The following WSCD2 variants were observed in gnomAD, a reference collection of about 807,000 sequenced individuals.
WSCD2 encodes the protein WSC domain sialate O sulfotransferase 2.
WSCD2 carries 28 observed loss-of-function variants against 55.7 expected under a neutral mutation model. The ratio of observed to expected loss-of-function variants is 0.50; its 90% CI spans 0.37 to 0.69. WSCD2 has a LOEUF of 0.69. Ranked by LOEUF, WSCD2 falls within the 30% of genes least tolerant of loss-of-function variation. The probability of loss-of-function intolerance (pLI) is 0.00; values close to 1 mark genes in which losing one functional copy is unlikely to be tolerated. For missense variants in WSCD2, 616 were observed against 762.1 expected, an observed-to-expected ratio of 0.81 and a Z score of 2.26; for synonymous variants, 301 against 301.9, an observed-to-expected ratio of 1.00 and a Z score of 0.03.
rs1885941763 is a variant in WSCD2, at chr12:108,210,123, G to T, written c.500G>T (p.Gly167Val). 6.2e-7 allele frequency: 1 copy of T among 1,614,092 alleles called. No individual in the cohort carries two copies. The change falls in exon 4 of 9, where the codon GGT becomes GTT. Residue 167 changes from glycine to valine, a missense_variant and splice_region_variant. By Grantham distance (109) the Gly-to-Val change is moderately radical (BLOSUM62 -3). Transcript: ENST00000547525. The surrounding 1 kb of genome is among the most constrained non-coding windows in gnomAD (Gnocchi z 4.3). Reference protein sequence around the residue: ...FRCQDNCAERGYLYGGLEFGA... With the variant: ...FRCQDNCAERVYLYGGLEFGA... ...TGCTTGACAGCAGCCTCCCCCAGGGGTTACCTGTATGGCGGGCTGGAGTTC... is the reference window on the plus strand; with the variant it reads ...TGCTTGACAGCAGCCTCCCCCAGGGTTTACCTGTATGGCGGGCTGGAGTTC...
intron 1 of WSCD2, among the ~76,000 whole-genome samples, chr12:108,136,428 T>C (rs1049499732): frequency 6.7e-6 from 1 of 150,282 alleles, no homozygotes; most frequent in Admixed American, 6.6e-5. Context: ...CTAATTGGAG[T>C]AGCACTAAAG....
intron 8 of WSCD2, among the ~76,000 whole-genome samples, chr12:108,247,288 A>G (rs1277203222): frequency 1.3e-5 from 2 of 150,584 alleles, no homozygotes; most frequent in Non-Finnish European, 3.0e-5. Context: ...ATATTAATAT[A>G]TTTATTAATA....
intron 1 of WSCD2, among the ~76,000 whole-genome samples, chr12:108,141,455 G>T (rs1286337580): frequency 6.6e-6 from 1 of 152,112 alleles, no homozygotes; most frequent in Non-Finnish European, 1.5e-5. Context: ...GTCTAAAATG[G>T]GTCAGCAGGG....
At chr12:108,149,298 A>G (rs1448836784) in intron 1 of WSCD2, among the ~76,000 whole-genome samples, 1 of 152,088 alleles carries the variant, frequency 6.6e-6, no homozygotes, top group Non-Finnish European at 1.5e-5. Flanking sequence ...ATTTCTTTTC[A>G]CCCAAAGACA....
intron 8 of WSCD2, among the ~76,000 whole-genome samples, chr12:108,243,691 C>T (rs548483154): frequency 1.3e-4 from 20 of 152,306 alleles, no homozygotes; most frequent in African/African-American, 4.6e-4. Context: ...CAGGCCCTAT[C>T]CCAGGCTTCC....
chr12:108,172,993 C>T (rs532925408), intron 1 of WSCD2, among the ~76,000 whole-genome samples: 5 of 152,230 alleles, frequency 3.3e-5, no homozygotes, highest in Admixed American at 2.6e-4. Context: ...CCCCACTCCC[C>T]GCCCCTTCCC....
chr12:108,220,563 T>G (rs1593522), intron 4 of WSCD2, among the ~76,000 whole-genome samples: 2,829 of 152,270 alleles, frequency 0.019, 97 homozygotes, highest in African/African-American at 0.065. Flanking sequence ...AAGGTCCCAC[T>G]CTGTCAACCA....
intron 7 of WSCD2, among the ~76,000 whole-genome samples, chr12:108,235,090 G>C (rs1242111308): frequency 6.6e-6 from 1 of 152,162 alleles, no homozygotes; most frequent in Non-Finnish European, 1.5e-5. Flanking sequence ...TTTTCAGTCT[G>C]AAAGTTCACT....
At chr12:108,139,036 T>G (rs1287480528) in intron 1 of WSCD2, among the ~76,000 whole-genome samples, 1 of 152,182 alleles carries the variant, frequency 6.6e-6, no homozygotes, top group Non-Finnish European at 1.5e-5. Flanking sequence ...GCTCAATGTT[T>G]GTTGAGAGAA....
At chr12:108,242,770 T>C (rs902589415) in intron 8 of WSCD2, among the ~76,000 whole-genome samples, 1 of 152,096 alleles carries the variant, frequency 6.6e-6, no homozygotes, top group African/African-American at 2.4e-5. Flanking sequence ...ATGCTCTCCC[T>C]CCCCAACACC....
chr12:108,222,654 G>T (rs1887660726), intron 4 of WSCD2, among the ~76,000 whole-genome samples: 1 of 152,126 alleles, frequency 6.6e-6, no homozygotes, highest in Non-Finnish European at 1.5e-5. Flanking sequence ...TTTAACAGTG[G>T]CCACTTAAAA....
intron 1 of WSCD2, among the ~76,000 whole-genome samples, chr12:108,184,920 A>G (rs2038915968): frequency 1.3e-5 from 2 of 152,156 alleles, no homozygotes; most frequent in Admixed American, 6.5e-5. Context: ...ACTTGCTGTA[A>G]GGAAGAAGCT....
chr12:108,171,882 A>C (rs1365841070), intron 1 of WSCD2: 1 of 152,246 alleles, frequency 6.6e-6, no homozygotes, highest in South Asian at 2.1e-4. Context: ...TTTAAATAAG[A>C]ATTCTTTTTA....
rs79681657 is a variant in WSCD2 at position 108,202,062 on chromosome 12, C to A, written c.383-4227C>A. ...TCTGACCTCCTGTCTCCGAGAGATT[C>A]TGCTACCACAGCAGGATTTGAAGGT... On this transcript the variant is annotated intron_variant, in intron 2 of 8. Coordinates refer to ENST00000547525, the MANE Select transcript of WSCD2 (RefSeq NM_014653.4). 9.7e-3 allele frequency among the ~76,000 whole-genome samples: 1,483 copies of A among 152,282 alleles called. 37 individuals carry two copies. The highest frequency in any genetic ancestry group is 0.034 in the African/African-American group (1,409 of 41,548).
chr12:108,187,600 A>G (rs1882666230), intron 1 of WSCD2, among the ~76,000 whole-genome samples: 1 of 152,204 alleles, frequency 6.6e-6, no homozygotes, highest in Non-Finnish European at 1.5e-5. Context: ...CCTTTCTTAT[A>G]GGGTTGTTGT....
At chr12:108,178,068 C>T (rs1464803157) in intron 1 of WSCD2, among the ~76,000 whole-genome samples, 1 of 152,158 alleles carries the variant, frequency 6.6e-6, no homozygotes, top group Non-Finnish European at 1.5e-5. Flanking sequence ...CAAAACACCA[C>T]ATGCTGAGTA....
Position 108,191,104 on chromosome 12 carries a change from T to G in WSCD2, c.-551-4178T>G, listed in dbSNP as rs138999393. Among the ~76,000 whole-genome samples, 770 of 152,356 alleles carry G rather than the reference T, an allele frequency of 5.1e-3. 3 individuals carry two copies. Among genetic ancestry groups the G allele is most frequent in the African/African-American group, 0.018 (734 of 41,572 alleles). On this transcript the variant is annotated intron_variant, in intron 1 of 8. Coordinates refer to ENST00000547525, the MANE Select transcript of WSCD2 (RefSeq NM_014653.4). ...CAAATAGAGACAGAGAGAAGTGGGTTGCTGAAGGCCAACAGCCCCTGTCTC... is the reference window on the plus strand; with the variant it reads ...CAAATAGAGACAGAGAGAAGTGGGTGGCTGAAGGCCAACAGCCCCTGTCTC...
Position 108,129,763 on chromosome 12 carries a change from G to A in WSCD2, c.-715G>A, listed in dbSNP as rs570553888. Reference sequence around the variant, plus strand: ...GGGCCCGGCAGGAGGAGCCTTGGTGGCGAGAAAGGAAATCCAGGCTCCCCT... The same window carrying A: ...GGGCCCGGCAGGAGGAGCCTTGGTGACGAGAAAGGAAATCCAGGCTCCCCT... On this transcript the variant is annotated 5_prime_UTR_variant, in exon 1 of 9. Transcript: ENST00000547525. 1 of 152,426 alleles carries A rather than the reference G, an allele frequency of 6.6e-6. No individual in the cohort carries two copies. Among genetic ancestry groups the A allele is most frequent in the Non-Finnish European group, 1.5e-5 (1 of 68,108 alleles). 9.4% of individuals were successfully genotyped at this position (152,426 alleles called of 1,614,324 possible).
intron 8 of WSCD2, chr12:108,244,457 G>A: frequency 5.7e-6 from 4 of 700,988 alleles, no homozygotes; most frequent in South Asian, 1.5e-5. Context: ...GATACAGGAG[G>A]ACAAATAGCA....
Sources: allele counts gnomAD v4.1 joint callset (sites outside exome capture counted in the v4.1 genomes callset), GRCh38; gene constraint gnomAD v4.1.1; non-coding constraint Gnocchi (gnomAD v3.1); transcripts MANE v1.5; gene names NCBI Gene and HGNC (gene_info 2026-07-23, HGNC 2026-07-21).